GFPT1: variants seen among roughly 807,000 people sequenced by gnomAD.
The protein encoded by GFPT1 is glutamine--fructose-6-phosphate aminotransferase [isomerizing] 1.
A neutral mutation model predicts 92.0 loss-of-function variants in GFPT1; 40 were observed. The ratio of observed to expected loss-of-function variants is 0.43; its 90% CI spans 0.34 to 0.57. The LOEUF is 0.57. GFPT1 is among the 20% of genes least tolerant of loss of function. GFPT1 has a pLI of 0.02. For missense variants in GFPT1, 448 were observed against 869.1 expected (o/e 0.52, Z 6.09); for synonymous variants, 269 against 280.6 (o/e 0.96, Z 0.41).
At chr2:69,377,534 C>T (rs1671906707) in intron 1 of GFPT1, among the ~76,000 whole-genome samples, 1 of 151,428 alleles carries the variant, frequency 6.6e-6, no homozygotes, top group Non-Finnish European at 1.5e-5. Context: ...GTGGCACGTG[C>T]CTGTAGTCTC....
chr2:69,349,932 CA>C, intron 10 of GFPT1, 145 bp downstream of exon 10: 1 of 682,446 alleles, frequency 1.5e-6, no homozygotes, highest in Non-Finnish European at 2.7e-6. Context: ...CTTACAGCCC[CA>C]TCTCCAAAAT....
chr2:69,385,184 C>G (rs932015789), intron 1 of GFPT1, among the ~76,000 whole-genome samples: 1 of 152,132 alleles, frequency 6.6e-6, no homozygotes, highest in African/African-American at 2.4e-5. Context: ...AGGTATCTCC[C>G]TTATCTGAAC....
In GFPT1 at chr2:69,338,022, T is replaced by A; in HGVS notation, c.1358A>T (p.Tyr453Phe). Residue 453 changes from tyrosine to phenylalanine, a missense_variant, in exon 15 of 20, where the codon TAC becomes TTC. Around this residue, in one of 7 missense-constraint regions of GFPT1, gnomAD observed 121 missense variants for 304.3 expected, o/e 0.40. Transcript: ENST00000357308. ...ETADTLMGLR[Y>F]CKERGALTVG... is the part of the protein sequence containing the mutation. ...AGTTAAAGCTCCTCTCTCCTTACAGTAACGAAGACCCATCAAAGTATCTGC... is the reference window on the plus strand; with the variant it reads ...AGTTAAAGCTCCTCTCTCCTTACAGAAACGAAGACCCATCAAAGTATCTGC... The A allele has an allele frequency of 6.2e-7, 1 of 1,614,058 alleles. No homozygotes were observed. The highest frequency in any genetic ancestry group is 8.5e-7 in the Non-Finnish European group (1 of 1,179,934).
At chr2:69,352,612 C>CAAAAAAAA (rs748958210) in intron 9 of GFPT1, among the ~76,000 whole-genome samples, 13 of 47,370 alleles carry the variant, frequency 2.7e-4, no homozygotes, top group East Asian at 8.3e-4. Context: ...GACTTCGTCT[C>CAAAAAAAA]AAAAAAAAAA....
At chr2:69,373,027 G>C (rs979083535) in intron 2 of GFPT1, among the ~76,000 whole-genome samples, 12 of 152,216 alleles carry the variant, frequency 7.9e-5, no homozygotes, top group African/African-American at 2.9e-4. Context: ...GCTGGGCAGA[G>C]GGTGCCTATG....
At chr2:69,385,168 C>G (rs915204930) in intron 1 of GFPT1, among the ~76,000 whole-genome samples, 4 of 152,150 alleles carry the variant, frequency 2.6e-5, no homozygotes, top group Non-Finnish European at 5.9e-5. Context: ...TTAGTCTCCA[C>G]CCTAAAGGTA....
chr2:69,329,646 T>C (rs1445126808), intron 16 of GFPT1, 38 bp downstream of exon 16: 1 of 1,360,554 alleles, frequency 7.3e-7, no homozygotes, highest in Admixed American at 1.7e-5. Flanking sequence ...ACCCACTCCC[T>C]TAGACAACAA....
chr2:69,377,017 T>A (rs973916462), intron 1 of GFPT1, among the ~76,000 whole-genome samples: 1 of 151,934 alleles, frequency 6.6e-6, no homozygotes, highest in Non-Finnish European at 1.5e-5. Flanking sequence ...AAGACCAGCC[T>A]GGGCAACACG....
At chr2:69,386,024 C>G (rs1453696936) in intron 1 of GFPT1, among the ~76,000 whole-genome samples, 1 of 118,220 alleles carries the variant, frequency 8.5e-6, no homozygotes, top group Non-Finnish European at 1.8e-5. Context: ...TGGTACTTCC[C>G]TTTAAAAAAA....
chr2:69,345,274 T>A (rs1047586088), intron 12 of GFPT1, among the ~76,000 whole-genome samples: 7 of 152,260 alleles, frequency 4.6e-5, no homozygotes, highest in African/African-American at 1.7e-4. Flanking sequence ...AGAGTAGTGT[T>A]GTACTCTCAC....
At chr2:69,376,261 A>G (rs1671867422) in intron 1 of GFPT1, among the ~76,000 whole-genome samples, 1 of 152,242 alleles carries the variant, frequency 6.6e-6, no homozygotes, top group Admixed American at 6.5e-5. Context: ...CTGTAATCCC[A>G]ACTTTGGGAA....
chr2:69,328,740 G>A (rs1320735375), intron 17 of GFPT1, among the ~76,000 whole-genome samples: 2 of 130,438 alleles, frequency 1.5e-5, no homozygotes, highest in East Asian at 2.2e-4. Context: ...TTCTTCGATC[G>A]CCCAGGCTGG....
Position 69,363,676 on chromosome 2 carries a change from G to A in GFPT1, c.224-6C>T. 1 of 1,593,686 alleles carries A rather than the reference G, an allele frequency of 6.3e-7. No homozygotes were observed. The highest frequency in any genetic ancestry group is 8.6e-7 in the Non-Finnish European group (1 of 1,161,448). ...CAAATCCATATCTTGTTGCTCTGAA[G>A]AATATGAAAAGAAAAATTTCAATAT... On this transcript the variant is annotated splice_polypyrimidine_tract_variant and splice_region_variant and intron_variant, in intron 3 of 19. Transcript: ENST00000357308.
intron 1 of GFPT1, 79 bp downstream of exon 1, chr2:69,386,986 G>T: frequency 8.8e-7 from 1 of 1,131,596 alleles, no homozygotes; most frequent in Non-Finnish European, 1.3e-6. Context: ...GCTTCCGCCC[G>T]TCGCCTTGGG....
intron 9 of GFPT1, among the ~76,000 whole-genome samples, chr2:69,350,852 G>A (rs531093339): frequency 2.8e-4 from 41 of 144,696 alleles, no homozygotes; most frequent in African/African-American, 9.5e-4. Flanking sequence ...GCAGTGAGCC[G>A]AAATCACACG....
intron 1 of GFPT1, among the ~76,000 whole-genome samples, chr2:69,377,928 A>G (rs186736723): frequency 6.6e-6 from 1 of 152,246 alleles, no homozygotes; most frequent in Non-Finnish European, 1.5e-5. Context: ...CACAACTCAC[A>G]ATGATGCTTG....
chr2:69,370,654 G>T (rs771859598), intron 2 of GFPT1, among the ~76,000 whole-genome samples: 2 of 151,686 alleles, frequency 1.3e-5, no homozygotes, highest in Non-Finnish European at 2.9e-5. Flanking sequence ...GAAGAAACCA[G>T]CTGTCAAAAG....
intron 2 of GFPT1, 115 bp downstream of exon 2, chr2:69,373,891 C>A: frequency 5.0e-6 from 3 of 596,040 alleles, no homozygotes; most frequent in South Asian, 1.7e-5. Context: ...AAAATTCTTC[C>A]AATTTACACT....
At chr2:69,336,351 A>AAG (rs1553387239) in intron 15 of GFPT1, among the ~76,000 whole-genome samples, 13 of 150,828 alleles carry the variant, frequency 8.6e-5, no homozygotes, top group South Asian at 8.3e-4. Context: ...AAAAAAAAAA[A>AAG]AAAAAGAAAA....
Sources: allele counts gnomAD v4.1 joint callset (sites outside exome capture counted in the v4.1 genomes callset), GRCh38; gene constraint gnomAD v4.1.1; regional missense constraint gnomAD v4.1.1; transcripts MANE v1.5; gene names NCBI Gene and HGNC (gene_info 2026-07-23, HGNC 2026-07-21).